The following GRK3 variants were observed in gnomAD, a reference collection of about 807,000 sequenced individuals.
The protein encoded by GRK3 is G protein-coupled receptor kinase 3.
Under a neutral mutation model 95.7 loss-of-function variants are expected in GRK3, and 54 were observed. The observed-to-expected ratio is 0.56, with a 90% confidence interval of 0.45 to 0.71. GRK3 has a LOEUF of 0.71. Among genes scored for constraint, GRK3 ranks in the 30% least tolerant of loss-of-function variants. The probability of loss-of-function intolerance (pLI) is 0.00; values close to 1 mark genes in which losing one functional copy is unlikely to be tolerated. For synonymous variants in GRK3, 281 were observed against 290.8 expected (o/e 0.97, Z 0.34); for missense variants, 649 against 851.2 (o/e 0.76, Z 2.96).
chr22:25,592,385 T>C (rs1474106388), intron 1 of GRK3, among the ~76,000 whole-genome samples: 1 of 152,218 alleles, frequency 6.6e-6, no homozygotes, highest in African/African-American at 2.4e-5. Context: ...AGATCTTCAA[T>C]TGGATAGATG....
Position 25,704,113 on chromosome 22 carries a change from T to G in GRK3, c.1232T>G (p.Val411Gly), listed in dbSNP as rs1383075446. ...TCTTACTCGTCTTTTCCCCAGAATGTGGAACTTCCAGACACCTTCTCTCCT... is the reference window on the plus strand; with the variant it reads ...TCTTACTCGTCTTTTCCCCAGAATGGGGAACTTCCAGACACCTTCTCTCCT... The part of the protein sequence containing the change: ...EIDRMTLTVN[V>G]ELPDTFSPEL... The change falls in exon 15 of 21, where the codon GTG becomes GGG. Residue 411 changes from valine to glycine, a missense_variant. Coordinates refer to ENST00000324198, the MANE Select transcript of GRK3 (RefSeq NM_005160.4). 1 of 1,610,738 alleles carries G rather than the reference T, an allele frequency of 6.2e-7. No homozygotes were observed.
intron 1 of GRK3, among the ~76,000 whole-genome samples, chr22:25,602,589 T>C (rs146975929): frequency 1.2e-3 from 183 of 152,308 alleles, no homozygotes; most frequent in African/African-American, 4.3e-3. Flanking sequence ...GGTAAACAAA[T>C]TGTGGAATAT....
intron 2 of GRK3, among the ~76,000 whole-genome samples, chr22:25,620,006 T>TTTTGTGTGTG (rs144086816): frequency 4.8e-4 from 43 of 90,316 alleles, no homozygotes; most frequent in East Asian, 2.1e-3. Context: ...TTTGTCTTTT[T>TTTTGTGTGTG]TGTGTGTGTG....
chr22:25,669,947 C>T (rs533045043), intron 6 of GRK3, among the ~76,000 whole-genome samples: 5 of 152,190 alleles, frequency 3.3e-5, no homozygotes, highest in Non-Finnish European at 7.3e-5. Context: ...TGGGAGTGCA[C>T]CCAAATGTGG....
rs1022660736 is a variant in GRK3 at position 25,712,356 on chromosome 22, C to T, written c.1491+1193C>T. On this transcript the variant is annotated intron_variant, in intron 17 of 20. Transcript: ENST00000324198. ...TGCACAACCAGGCATCGTCTGTAGC[C>T]GGAACCATTGATACCTGTCAGGTAT... 3.9e-4 allele frequency among the ~76,000 whole-genome samples: 59 copies of T among 152,294 alleles called. No individual in the cohort carries two copies. The Middle Eastern group carries it at 0.014, about 35-fold the overall frequency.
chr22:25,675,125 CTG>C lies in GRK3; in HGVS notation c.647+600_647+601del, dbSNP rs143763152. On this transcript the variant is annotated intron_variant, in intron 8 of 20. Transcript: ENST00000324198. ...GTGAACTAGAAGGGATCCTTGACAA[CTG>C]TGGCATGTTACGTTCAGCCTCCCCA... is the stretch of plus-strand genomic sequence containing the variant. Among the ~76,000 whole-genome samples, 858 of 152,256 alleles carry C rather than the reference CTG, an allele frequency of 5.6e-3. 10 individuals are homozygous for C. Among genetic ancestry groups the C allele is most frequent in the African/African-American group, 0.019 (771 of 41,556 alleles).
intron 3 of GRK3, among the ~76,000 whole-genome samples, chr22:25,654,093 G>T (rs536542271): frequency 6.6e-6 from 1 of 152,252 alleles, no homozygotes; most frequent in South Asian, 2.1e-4. Flanking sequence ...CATGTTCTCT[G>T]ACAATAGAAT....
At chr22:25,721,452 G>C in intron 20 of GRK3, 55 bp downstream of exon 20, 2 of 988,264 alleles carry the variant, frequency 2.0e-6, no homozygotes, top group Non-Finnish European at 3.1e-6. Context: ...ATTCAGCAAA[G>C]TTGACTGCCT....
chr22:25,725,862 T>G lies in GRK3; in HGVS notation c.*3412T>G. ...TACTTGGGAGGCTGAGGCAGGAGAATGGCATGAACCCGGGAGGCAGAGCTT... is the reference window on the plus strand; with the variant it reads ...TACTTGGGAGGCTGAGGCAGGAGAAGGGCATGAACCCGGGAGGCAGAGCTT... On this transcript the variant is annotated 3_prime_UTR_variant, in exon 21 of 21. Transcript: ENST00000324198. 1 of 305,022 alleles carries G rather than the reference T, an allele frequency of 3.3e-6. No homozygotes were observed. The highest frequency in any genetic ancestry group is 6.0e-6 in the Non-Finnish European group (1 of 167,668). The allele number at this position is 305,022 out of a possible 1,614,324, so 18.9% of individuals were successfully genotyped here. A position where few individuals can be genotyped will look rare whatever the true frequency, so the allele number is the denominator to read the frequency against.
chr22:25,683,031 G>T (rs1242938290), intron 9 of GRK3, among the ~76,000 whole-genome samples: 1 of 152,246 alleles, frequency 6.6e-6, no homozygotes, highest in Non-Finnish European at 1.5e-5. Context: ...CAGAAAGCCA[G>T]GTGTGGCTCA....
Position 25,725,316 on chromosome 22 carries a change from C to T in GRK3, c.*2866C>T, listed in dbSNP as rs2085465225. 1 of 370,336 alleles carries T rather than the reference C, an allele frequency of 2.7e-6. No homozygotes were observed. The highest frequency in any genetic ancestry group is 4.8e-6 in the Non-Finnish European group (1 of 209,540). The allele number at this position is 370,336 out of a possible 1,614,324, so 22.9% of individuals were successfully genotyped here. A position where few individuals can be genotyped will look rare whatever the true frequency, so the allele number is the denominator to read the frequency against. ...AAAATAATTGAGGTTGATATTTTTA[C>T]AAAATCATGCGGTAATAAGTCTTGA... On this transcript the variant is annotated 3_prime_UTR_variant, in exon 21 of 21. Coordinates refer to ENST00000324198, the MANE Select transcript of GRK3 (RefSeq NM_005160.4).
intron 1 of GRK3, among the ~76,000 whole-genome samples, chr22:25,582,065 T>C (rs1348998712): frequency 6.6e-6 from 1 of 152,054 alleles, no homozygotes; most frequent in Non-Finnish European, 1.5e-5. Flanking sequence ...TCACCTGAGG[T>C]CAGGAGTTCG....
chr22:25,628,514 G>C (rs558419507), intron 2 of GRK3, among the ~76,000 whole-genome samples: 2 of 152,306 alleles, frequency 1.3e-5, no homozygotes, highest in African/African-American at 4.8e-5. Context: ...TTATAAAAGA[G>C]AATCAAGTAG....
chr22:25,570,579 A>G (rs1172519298), intron 1 of GRK3, among the ~76,000 whole-genome samples: 6 of 152,264 alleles, frequency 3.9e-5, no homozygotes, highest in Non-Finnish European at 8.8e-5. Flanking sequence ...GGCTGTCTGC[A>G]TGGCTATCAT....
At chr22:25,635,461 G>A (rs2084693395) in intron 2 of GRK3, among the ~76,000 whole-genome samples, 1 of 152,136 alleles carries the variant, frequency 6.6e-6, no homozygotes, top group Non-Finnish European at 1.5e-5. Context: ...TTCAACAATT[G>A]TTCCCCAAAA....
In GRK3 at chr22:25,687,635, C is replaced by A; in HGVS notation, c.925C>A (p.His309Asn). 10 of 1,614,132 alleles carry A rather than the reference C, an allele frequency of 6.2e-6. No individual in the cohort carries two copies. The highest frequency in any genetic ancestry group is 8.5e-6 in the Non-Finnish European group (10 of 1,180,006). The change falls in exon 11 of 21, where the codon CAC (histidine) becomes AAC (asparagine). Residue 309 changes from histidine (H) to asparagine (N), a missense_variant. Around this residue, in one of 3 missense-constraint regions of GRK3, gnomAD observed 382 missense variants for 493.8 expected, o/e 0.77. Coordinates refer to ENST00000324198, the MANE Select transcript of GRK3 (RefSeq NM_005160.4). ...AATCATTCTGGGTCTGGAACACATGCACAATCGGTTTGTTGTCTACAGAGA... is the reference window on the plus strand; with the variant it reads ...AATCATTCTGGGTCTGGAACACATGAACAATCGGTTTGTTGTCTACAGAGA... ...TEIILGLEHM[H>N]NRFVVYRDLK...
rs1640144347 is a variant in GRK3, at chr22:25,729,260, T to G, written c.*6810T>G. On this transcript the variant is annotated 3_prime_UTR_variant, in exon 21 of 21. Coordinates refer to ENST00000324198, the MANE Select transcript of GRK3 (RefSeq NM_005160.4). ...TGGTTTTCTGTGTTGGTAAATTGCC[T>G]ATATAAATCTGAATAAAAAGGATCT... is the stretch of plus-strand genomic sequence containing the variant. The G allele has an allele frequency of 6.6e-6, 1 of 152,258 alleles. No individual in the cohort carries two copies. The highest frequency in any genetic ancestry group is 2.4e-5 in the African/African-American group (1 of 41,462). 9.4% of individuals were successfully genotyped at this position (152,258 alleles called of 1,614,324 possible). A position where few individuals can be genotyped will look rare whatever the true frequency, so the allele number is the denominator to read the frequency against.
intron 11 of GRK3, among the ~76,000 whole-genome samples, chr22:25,688,085 A>T (rs1361530578): frequency 1.3e-5 from 2 of 151,922 alleles, no homozygotes; most frequent in African/African-American, 2.4e-5. Context: ...AAATACAAAA[A>T]ATTAGCCGGG....
At chr22:25,707,346 G>A (rs1307941457) in intron 15 of GRK3, among the ~76,000 whole-genome samples, 4 of 152,122 alleles carry the variant, frequency 2.6e-5, no homozygotes, top group African/African-American at 9.7e-5. Flanking sequence ...GAAAATCACC[G>A]AAGTGTTTCC....
Sources: gnomAD v4.1 joint callset for allele counts (sites outside exome capture counted in the v4.1 genomes callset) on GRCh38, gnomAD v4.1.1 for gene constraint, gnomAD v4.1.1 regional missense constraint, MANE v1.5 for transcripts, NCBI Gene and HGNC (gene_info 2026-07-23, HGNC 2026-07-21) for gene names.